ZFP91: variants seen among roughly 807,000 people sequenced by gnomAD.
ZFP91 encodes ZFP91 zinc finger protein, atypical E3 ubiquitin ligase, also known as E3 ubiquitin-protein ligase ZFP91.
Under a neutral mutation model 63.5 loss-of-function variants are expected in ZFP91, and 7 were observed. The ratio of observed to expected loss-of-function variants is 0.11; its 90% confidence interval spans 0.06 to 0.21. The LOEUF (loss-of-function observed/expected upper bound fraction) is 0.21. ZFP91 is among the 10% of genes least tolerant of loss of function. The probability of loss-of-function intolerance (pLI) is 1.00; values close to 1 mark genes in which losing one functional copy is unlikely to be tolerated. For missense variants in ZFP91, 628 were observed against 736.6 expected (o/e 0.85, Z 1.71); for synonymous variants, 330 against 272.1 (o/e 1.21, Z -2.10).
rs201149041 is a variant in ZFP91, at chr11:58,612,734, T to A, written c.909-28T>A. On this transcript the variant is annotated intron_variant, in intron 7 of 10. Coordinates refer to ENST00000316059, the MANE Select transcript of ZFP91 (RefSeq NM_053023.5). ...CAGAGTACCACTTTTTTTTTTTTGC[T>A]AACTTTTCTTCTGCATTTTGATAAT... 198 of 1,517,242 alleles carry A rather than the reference T, an allele frequency of 1.3e-4. No homozygotes were observed. The East Asian group carries it at 4.4e-3, about 33-fold the overall frequency. The allele number at this position is 1,517,242 out of a possible 1,614,324, so 94.0% of individuals were successfully genotyped here. A position where few individuals can be genotyped will look rare whatever the true frequency, so the allele number is the denominator to read the frequency against.
Position 58,618,842 on chromosome 11 carries a change from C to A in ZFP91, c.*1136C>A. On this transcript the variant is annotated 3_prime_UTR_variant, in exon 11 of 11. Coordinates refer to ENST00000316059, the MANE Select transcript of ZFP91 (RefSeq NM_053023.5). ...TGTTAGGTTCATGGTAACTAGTATG[C>A]TCTTTGAGATTTTTACAGTGTTGAA... The A allele has an allele frequency of 2.9e-6, 1 of 345,620 alleles. No homozygotes were observed. Among genetic ancestry groups the A allele is most frequent in the Non-Finnish European group, 5.6e-6 (1 of 177,000 alleles). 21.4% of individuals were successfully genotyped at this position (345,620 alleles called of 1,614,324 possible).
intron 5 of ZFP91, 120 bp downstream of exon 5, chr11:58,611,174 T>G (rs1343591396): frequency 4.1e-6 from 3 of 740,038 alleles, no homozygotes; most frequent in Non-Finnish European, 6.4e-6. Flanking sequence ...AAATGAGTAA[T>G]TAATTATGCA....
At chr11:58,594,910 T>C (rs1028153329) in intron 2 of ZFP91, among the ~76,000 whole-genome samples, 8 of 152,318 alleles carry the variant, frequency 5.3e-5, no homozygotes, top group African/African-American at 1.7e-4. Flanking sequence ...AAAAATTCAC[T>C]CATGGAATAA....
At chr11:58,601,186 T>A (rs1367352493) in intron 2 of ZFP91, among the ~76,000 whole-genome samples, 1 of 152,224 alleles carries the variant, frequency 6.6e-6, no homozygotes, top group African/African-American at 2.4e-5. Flanking sequence ...CTGGAGTTAA[T>A]TCTTTAAATG....
At chr11:58,587,889 G>A (rs186816751) in intron 2 of ZFP91, among the ~76,000 whole-genome samples, 3 of 152,166 alleles carry the variant, frequency 2.0e-5, no homozygotes, top group African/African-American at 7.2e-5. Context: ...GTTTATTAAA[G>A]TATGTTTTAA....
chr11:58,607,568 T>C (rs138973903), intron 2 of ZFP91, among the ~76,000 whole-genome samples: 26 of 151,734 alleles, frequency 1.7e-4, no homozygotes, highest in African/African-American at 6.0e-4. Context: ...TTGATGGTTG[T>C]TTAGAACTGT....
Position 58,617,858 on chromosome 11 carries a change from C to A in ZFP91, c.*152C>A. ...GATCACAGCACACACATACATACAC[C>A]CTCCACCTCCCCATCCCCTGTTCTC... On this transcript the variant is annotated 3_prime_UTR_variant, in exon 11 of 11. Transcript: ENST00000316059. The surrounding 1 kb of genome is among the most constrained non-coding windows in gnomAD (Gnocchi z 4.2). 2.1e-6 allele frequency: 2 copies of A among 968,798 alleles called. No homozygotes were observed. Among genetic ancestry groups the A allele is most frequent in the Non-Finnish European group, 1.4e-6 (1 of 727,676 alleles). 60.0% of individuals were successfully genotyped at this position (968,798 alleles called of 1,614,324 possible). A position where few individuals can be genotyped will look rare whatever the true frequency, so the allele number is the denominator to read the frequency against.
intron 2 of ZFP91, among the ~76,000 whole-genome samples, chr11:58,603,764 C>T (rs912365776): frequency 7.9e-5 from 12 of 152,170 alleles, no homozygotes; most frequent in African/African-American, 1.2e-4. Context: ...TAATGCTTTT[C>T]GCTAGGTTTT....
Position 58,621,525 on chromosome 11 carries a change from C to T in ZFP91, c.*3819C>T, listed in dbSNP as rs1282418469. Among the ~76,000 whole-genome samples the T allele has an allele frequency of 1.3e-5, 2 of 152,090 alleles. No homozygotes were observed. The highest frequency in any genetic ancestry group is 2.9e-5 in the Non-Finnish European group (2 of 68,004). On this transcript the variant is annotated 3_prime_UTR_variant, in exon 11 of 11. Coordinates refer to ENST00000316059, the MANE Select transcript of ZFP91 (RefSeq NM_053023.5). ...TGTTACATCTCCCATTTATTGTTTA[C>T]TTTTATAAATTTGCTTCTAAGATGG...
intron 2 of ZFP91, among the ~76,000 whole-genome samples, chr11:58,604,583 TATCTTA>T (rs1855541166): frequency 6.6e-6 from 1 of 152,216 alleles, no homozygotes; most frequent in Non-Finnish European, 1.5e-5. Context: ...TCGCATGTAA[TATCTTA>T]ATCCATTCTT....
In ZFP91 at chr11:58,614,371, G is replaced by C. The variant is rs763472472; in HGVS notation, c.1102+28G>C. The C allele has an allele frequency of 2.3e-5, 35 of 1,520,354 alleles. No individual in the cohort carries two copies. In the East Asian group the frequency reaches 7.7e-4, roughly 33 times the overall value. 94.2% of individuals were successfully genotyped at this position (1,520,354 alleles called of 1,614,324 possible). A position where few individuals can be genotyped will look rare whatever the true frequency, so the allele number is the denominator to read the frequency against. On this transcript the variant is annotated intron_variant, in intron 9 of 10. Transcript: ENST00000316059. The stretch of plus-strand genomic sequence containing the variant: ...ACTTTTAAAATGTGTTTATCAAGTA[G>C]GTAATTGCACTGTGCTTTAGTTTTG...
At chr11:58,610,277 T>G in intron 3 of ZFP91, 21 bp from the exon 4 acceptor site, 1 of 1,588,852 alleles carries the variant, frequency 6.3e-7, no homozygotes, top group Non-Finnish European at 8.5e-7. Flanking sequence ...TAAAATTTTG[T>G]TTTTGGCTTT....
rs757455987 is a variant in ZFP91 at position 58,617,232 on chromosome 11, A to T, written c.1239A>T (p.Ala413=). Residue 413 remains alanine, a synonymous_variant, in exon 11 of 11, where the codon GCA becomes GCT. Coordinates refer to ENST00000316059, the MANE Select transcript of ZFP91 (RefSeq NM_053023.5). The surrounding 1 kb of genome is among the most constrained non-coding windows in gnomAD (Gnocchi z 4.2). ...GTGGATTTACTTGTCGACAAAAGGC[A>T]TCTCTTAATTGGCACATGAAGAAAC... The part of the protein sequence containing the change: ...EICGFTCRQK[A]SLNWHMKKHD... 2.5e-5 allele frequency: 40 copies of T among 1,604,926 alleles called. No homozygotes were observed. Among genetic ancestry groups the T allele is most frequent in the African/African-American group, 1.3e-5 (1 of 74,266 alleles).
At position 58,579,363 on chromosome 11, in the gene ZFP91, G is replaced by A. The variant is rs1258312908; in HGVS notation, c.82G>A (p.Glu28Lys). ...GGEAAKAAPE[E>K]PQQRPPEAVA... is the part of the protein sequence containing the mutation. Reference sequence around the variant, plus strand: ...AGAGGCGGCCAAGGCGGCTCCGGAGGAGCCCCAACAACGGCCCCCTGAGGC... The same window carrying A: ...AGAGGCGGCCAAGGCGGCTCCGGAGAAGCCCCAACAACGGCCCCCTGAGGC... The change falls in exon 1 of 11, where the codon GAG (glutamate) becomes AAG (lysine). Residue 28 changes from glutamate to lysine, a missense_variant. Transcript: ENST00000316059. The A allele has an allele frequency of 1.3e-6, 2 of 1,493,160 alleles. No individual in the cohort carries two copies. Among genetic ancestry groups the A allele is most frequent in the Admixed American group, 2.3e-5 (1 of 43,002 alleles). The allele number at this position is 1,493,160 out of a possible 1,614,324, so 92.5% of individuals were successfully genotyped here. A position where few individuals can be genotyped will look rare whatever the true frequency, so the allele number is the denominator to read the frequency against.
Position 58,617,688 on chromosome 11 carries a change from A to C in ZFP91, c.1695A>C (p.Ser565=), listed in dbSNP as rs113654844. The change falls in exon 11 of 11, where the codon TCA becomes TCC. Residue 565 remains serine (S), a synonymous_variant. Transcript: ENST00000316059. The surrounding 1 kb of genome is among the most constrained non-coding windows in gnomAD (Gnocchi z 4.2). ...GATTEVLIED[S]DSAGP ...CCACAGAGGTTCTGATTGAAGATTC[A>C]GACTCTGCCGGACCTTAGTGGACAG... is the stretch of plus-strand genomic sequence containing the variant. 2.8e-4 allele frequency: 428 copies of C among 1,514,522 alleles called. 2 individuals carry two copies. The highest frequency in any genetic ancestry group is 3.5e-4 in the Non-Finnish European group (393 of 1,132,394). 93.8% of individuals were successfully genotyped at this position (1,514,522 alleles called of 1,614,324 possible). A position where few individuals can be genotyped will look rare whatever the true frequency, so the allele number is the denominator to read the frequency against.
intron 2 of ZFP91, among the ~76,000 whole-genome samples, chr11:58,592,715 TC>T (rs1447354048): frequency 6.6e-6 from 1 of 152,146 alleles, no homozygotes; most frequent in Non-Finnish European, 1.5e-5. Flanking sequence ...ATACAGACTT[TC>T]AGTTAAATTG....
intron 8 of ZFP91, among the ~76,000 whole-genome samples, chr11:58,613,424 G>T (rs1187983569): frequency 6.6e-6 from 1 of 152,118 alleles, no homozygotes; most frequent in Non-Finnish European, 1.5e-5. Flanking sequence ...TCACATTGGG[G>T]ATTAAGTTTC....
At chr11:58,605,050 A>G (rs1457811858) in intron 2 of ZFP91, among the ~76,000 whole-genome samples, 1 of 152,114 alleles carries the variant, frequency 6.6e-6, no homozygotes, top group Non-Finnish European at 1.5e-5. Context: ...CTTGTGTTGC[A>G]GATATATAGC....
chr11:58,602,930 G>C (rs1855513922), intron 2 of ZFP91, among the ~76,000 whole-genome samples: 1 of 152,148 alleles, frequency 6.6e-6, no homozygotes, highest in Admixed American at 6.5e-5. Context: ...GGTGAGCCAA[G>C]ATTGCGCCGT....
Sources: gnomAD v4.1 joint callset for allele counts (sites outside exome capture counted in the v4.1 genomes callset) on GRCh38, gnomAD v4.1.1 for gene constraint, Gnocchi (gnomAD v3.1) non-coding constraint, MANE v1.5 for transcripts, NCBI Gene and HGNC (gene_info 2026-07-23, HGNC 2026-07-21) for gene names.